Variants in FBRSL1 observed in about 807,000 individuals in gnomAD.
FBRSL1 encodes the protein fibrosin like 1.
A neutral mutation model predicts 89.6 loss-of-function variants in FBRSL1; 51 were observed. That is an observed-to-expected ratio of 0.57 (90% confidence interval 0.45 to 0.72). The LOEUF (loss-of-function observed/expected upper bound fraction) is 0.72. Ranked by LOEUF, FBRSL1 falls within the 30% of genes least tolerant of loss-of-function variation. FBRSL1 has a pLI of 0.00. For synonymous variants in FBRSL1, 779 were observed against 681.1 expected (o/e 1.14, Z -2.24); for missense variants, 1,618 against 1,451.8 (o/e 1.11, Z -1.86).
chr12:132,570,921 GC>G (rs1214271098), intron 8 of FBRSL1, 146 bp from the exon 9 acceptor site: 2 of 395,744 alleles, frequency 5.1e-6, no homozygotes, highest in Non-Finnish European at 6.9e-6. Flanking sequence ...TCCTCCCTCG[GC>G]CCCCAGGCGC....
At chr12:132,532,417 A>G (rs6560881) in intron 4 of FBRSL1, among the ~76,000 whole-genome samples, 114,339 of 151,928 alleles carry the variant, frequency 0.75, 43,631 homozygotes, top group African/African-American at 0.9. Context: ...CCTTGTGCCC[A>G]TCAAGAAGAG....
chr12:132,556,334 G>A lies in FBRSL1; in HGVS notation c.645+8302G>A, dbSNP rs538454684. Among the ~76,000 whole-genome samples, 26 of 152,256 alleles carry A rather than the reference G, an allele frequency of 1.7e-4. 1 individual carries two copies. Among genetic ancestry groups the A allele is most frequent in the Admixed American group, 4.6e-4 (7 of 15,304 alleles). On this transcript the variant is annotated intron_variant, in intron 5 of 18. Coordinates refer to ENST00000680143, the MANE Select transcript of FBRSL1 (RefSeq NM_001367871.1). ...CTGCGACAGACAGAACCTCAGAGTC[G>A]TTCCATGGCAAAGCCACACTGCCAG...
At chr12:132,556,360 C>T (rs1593476360) in intron 5 of FBRSL1, among the ~76,000 whole-genome samples, 1 of 152,280 alleles carries the variant, frequency 6.6e-6, no homozygotes, top group African/African-American at 2.4e-5. Context: ...ACACTGCCAG[C>T]GTGGCTGTGG....
At chr12:132,528,979 C>T (rs149683611) in intron 4 of FBRSL1, among the ~76,000 whole-genome samples, 1,990 of 152,304 alleles carry the variant, frequency 0.013, 27 homozygotes, top group Non-Finnish European at 0.019. Flanking sequence ...CTCCCCGGCC[C>T]CCATCACCAC....
At chr12:132,577,402 G>A (rs955985644) in intron 15 of FBRSL1, among the ~76,000 whole-genome samples, 13 of 152,164 alleles carry the variant, frequency 8.5e-5, no homozygotes, top group African/African-American at 3.1e-4. Context: ...TTGGCCTCTC[G>A]CTGAACAGTA....
chr12:132,545,078 C>T (rs528142528), intron 4 of FBRSL1, among the ~76,000 whole-genome samples: 1 of 151,420 alleles, frequency 6.6e-6, no homozygotes, highest in Admixed American at 6.5e-5. Context: ...TGGGGCCGTG[C>T]GGCACGGAGC....
intron 1 of FBRSL1, among the ~76,000 whole-genome samples, chr12:132,501,060 C>T (rs1311506499): frequency 1.3e-5 from 2 of 152,234 alleles, no homozygotes; most frequent in Non-Finnish European, 2.9e-5. Flanking sequence ...GGGCCTGCAG[C>T]CACTGCCAGG....
At chr12:132,560,709 G>C (rs1372567163) in intron 5 of FBRSL1, among the ~76,000 whole-genome samples, 1 of 152,172 alleles carries the variant, frequency 6.6e-6, no homozygotes, top group Non-Finnish European at 1.5e-5. Context: ...TGTGCACCTC[G>C]CGGGGGCTGA....
At chr12:132,577,377 T>C (rs1331937373) in intron 15 of FBRSL1, among the ~76,000 whole-genome samples, 2 of 152,164 alleles carry the variant, frequency 1.3e-5, no homozygotes, top group African/African-American at 4.8e-5. Context: ...CAGCCCCCGC[T>C]TTCCCAGGAG....
chr12:132,548,159 T>C, intron 5 of FBRSL1, 127 bp downstream of exon 5: 1 of 1,168,782 alleles, frequency 8.6e-7, no homozygotes, highest in Non-Finnish European at 1.2e-6. Flanking sequence ...CCCCGCCCGG[T>C]GGGTGCAGGG....
intron 15 of FBRSL1, among the ~76,000 whole-genome samples, chr12:132,580,193 T>C (rs2040649721): frequency 6.6e-6 from 1 of 152,204 alleles, no homozygotes; most frequent in Admixed American, 6.5e-5. Flanking sequence ...GTTCAAGCGA[T>C]TCTCCTGCCT....
intron 5 of FBRSL1, among the ~76,000 whole-genome samples, chr12:132,563,421 C>G (rs919316669): frequency 2.0e-5 from 3 of 150,106 alleles, no homozygotes; most frequent in South Asian, 4.3e-4. Flanking sequence ...ACAGCCTGCA[C>G]CCCACACCTG....
intron 5 of FBRSL1, chr12:132,554,434 G>T (rs1410437662): frequency 6.6e-6 from 1 of 152,272 alleles, no homozygotes; most frequent in Admixed American, 6.5e-5. Context: ...TCACAGAAAG[G>T]ATGTTTCATG....
chr12:132,501,847 T>C (rs970569696), intron 1 of FBRSL1, among the ~76,000 whole-genome samples: 1 of 152,186 alleles, frequency 6.6e-6, no homozygotes, highest in Non-Finnish European at 1.5e-5. Context: ...GCTCCTCTCC[T>C]TCCTTCGACT....
chr12:132,577,099 T>TCACCC (rs1440555597), intron 15 of FBRSL1, among the ~76,000 whole-genome samples, 168 bp downstream of exon 15: 1 of 151,862 alleles, frequency 6.6e-6, no homozygotes, highest in Admixed American at 6.6e-5. Context: ...CTCCCTCACC[T>TCACCC]CACCCCACCC....
intron 5 of FBRSL1, among the ~76,000 whole-genome samples, chr12:132,564,035 G>A (rs976208702): frequency 2.0e-5 from 3 of 152,004 alleles, no homozygotes; most frequent in Admixed American, 2.0e-4. Flanking sequence ...CGCGCTCACG[G>A]TCACACGGCT....
intron 11 of FBRSL1, among the ~76,000 whole-genome samples, 194 bp from the exon 12 acceptor site, chr12:132,573,896 C>T (rs2040210565): frequency 6.6e-6 from 1 of 152,214 alleles, no homozygotes. Context: ...ACCTGCTTCC[C>T]ACCTTTGCAG....
intron 5 of FBRSL1, among the ~76,000 whole-genome samples, chr12:132,555,766 C>G (rs1182116688): frequency 6.6e-6 from 1 of 152,224 alleles, no homozygotes; most frequent in African/African-American, 2.4e-5. Flanking sequence ...TGTGTCTCTT[C>G]TCCTCAAAAT....
chr12:132,581,629 C>T, intron 16 of FBRSL1, 112 bp from the exon 17 acceptor site: 1 of 1,472,480 alleles, frequency 6.8e-7, no homozygotes, highest in South Asian at 1.2e-5. Context: ...CCCCTTGGGT[C>T]ATGCAGGCAG....
Sources: gnomAD v4.1 joint callset for allele counts (sites outside exome capture counted in the v4.1 genomes callset) on GRCh38, gnomAD v4.1.1 for gene constraint, MANE v1.5 for transcripts, NCBI Gene and HGNC (gene_info 2026-07-23, HGNC 2026-07-21) for gene names.